SOS2: variants seen among roughly 807,000 people sequenced by gnomAD.
The protein encoded by SOS2 is SOS Ras/Rho guanine nucleotide exchange factor 2.
Under a neutral mutation model 148.2 loss-of-function variants are expected in SOS2, and 65 were observed. The observed-to-expected ratio is 0.44, with a 90% confidence interval of 0.36 to 0.54. The LOEUF is 0.54. SOS2 is among the 20% of genes least tolerant of loss of function. The pLI is 0.00. For missense variants in SOS2, 1,341 were observed against 1,590.2 expected (o/e 0.84, Z 2.67); for synonymous variants, 539 against 537.1 (o/e 1.00, Z -0.05).
intron 14 of SOS2, among the ~76,000 whole-genome samples, chr14:50,147,327 G>A (rs1884518718): frequency 6.6e-6 from 1 of 151,898 alleles, no homozygotes; most frequent in South Asian, 2.1e-4. Context: ...GGGCAACATA[G>A]CAAGACCTCA....
At chr14:50,191,581 A>G (rs2139747501) in intron 4 of SOS2, among the ~76,000 whole-genome samples, 1 of 152,070 alleles carries the variant, frequency 6.6e-6, no homozygotes, top group East Asian at 1.9e-4. Context: ...CTTCTCTACC[A>G]CCCACTCCAG....
chr14:50,138,359 C>T (rs1884154840), intron 18 of SOS2, among the ~76,000 whole-genome samples: 1 of 151,942 alleles, frequency 6.6e-6, no homozygotes. Flanking sequence ...CGGGGTTTCG[C>T]CATGCTGCCC....
At chr14:50,177,262 A>G (rs1885554551) in intron 7 of SOS2, among the ~76,000 whole-genome samples, 1 of 151,934 alleles carries the variant, frequency 6.6e-6, no homozygotes, top group Non-Finnish European at 1.5e-5. Flanking sequence ...GGAGGTTGCA[A>G]TGAACTGAGA....
chr14:50,224,246 G>A (rs189486064), intron 1 of SOS2, among the ~76,000 whole-genome samples: 1,651 of 145,760 alleles, frequency 0.011, 14 homozygotes, highest in Non-Finnish European at 0.018. Flanking sequence ...AGCCAAGATC[G>A]CACCACTGCA....
rs569419230 is a variant in SOS2 at position 50,160,018 on chromosome 14, T to C, written c.1265A>G (p.Glu422Gly). 12 of 1,614,122 alleles carry C rather than the reference T, an allele frequency of 7.4e-6. No individual in the cohort carries two copies. In the South Asian group the frequency reaches 1.3e-4, roughly 18 times the overall value. ...CCATCCATCGATATTTTTCTGAATT[T>C]CATTCATTTTTTTGATAGCCAGGTG... ...SKHLAIKKMN[E>G]IQKNIDGWEG... Residue 422 changes from glutamate to glycine, a missense_variant, in exon 10 of 23, where the codon GAA becomes GGA. Glu to Gly is a moderately conservative substitution (Grantham distance 98, BLOSUM62 -2). This residue lies in a region of SOS2 where 574 missense variants were observed against 711.1 expected (regional missense o/e 0.81). Coordinates refer to ENST00000216373, the MANE Select transcript of SOS2 (RefSeq NM_006939.4).
At chr14:50,129,020 T>C (rs1594957764) in intron 21 of SOS2, among the ~76,000 whole-genome samples, 1 of 152,322 alleles carries the variant, frequency 6.6e-6, no homozygotes, top group African/African-American at 2.4e-5. Flanking sequence ...TATTTTACTA[T>C]GCTCGAAGCA....
chr14:50,214,031 T>C (rs1886968424), intron 1 of SOS2, among the ~76,000 whole-genome samples: 1 of 151,950 alleles, frequency 6.6e-6, no homozygotes, highest in South Asian at 2.1e-4. Context: ...TAGAAGTAAA[T>C]AAATCACTTT....
Position 50,159,637 on chromosome 14 carries a change from T to C in SOS2, c.1646A>G (p.Asp549Gly). Reference sequence around the variant, plus strand: ...CAATAATACTGAATCTAACATTCGATCTAGAGTACTACGATAATGAAGAGA... The same window carrying C: ...CAATAATACTGAATCTAACATTCGACCTAGAGTACTACGATAATGAAGAGA... ...LISLHYRSTL[D>G]RMLDSVLLKE... Residue 549 changes from aspartate to glycine, a missense_variant, in exon 10 of 23, where the codon GAT becomes GGT. Around this residue, in one of 4 missense-constraint regions of SOS2, gnomAD observed 574 missense variants for 711.1 expected, o/e 0.81. Coordinates refer to ENST00000216373, the MANE Select transcript of SOS2 (RefSeq NM_006939.4). 1 of 1,613,826 alleles carries C rather than the reference T, an allele frequency of 6.2e-7. No homozygotes were observed. Among genetic ancestry groups the C allele is most frequent in the South Asian group, 1.1e-5 (1 of 91,082 alleles).
intron 1 of SOS2, among the ~76,000 whole-genome samples, chr14:50,219,420 AAAG>A (rs1328110517): frequency 6.6e-6 from 1 of 152,234 alleles, no homozygotes; most frequent in African/African-American, 2.4e-5. Context: ...GATTGAAAAA[AAAG>A]AGTATGTACT....
intron 1 of SOS2, among the ~76,000 whole-genome samples, chr14:50,226,346 A>T (rs1279015826): frequency 6.6e-6 from 1 of 152,206 alleles, no homozygotes; most frequent in Non-Finnish European, 1.5e-5. Context: ...TATATCAATG[A>T]CACCAGTTAT....
intron 8 of SOS2, among the ~76,000 whole-genome samples, chr14:50,163,071 T>C (rs1182328058): frequency 6.6e-6 from 1 of 151,420 alleles, no homozygotes; most frequent in Non-Finnish European, 1.5e-5. Flanking sequence ...TTGGCTAATT[T>C]TTTTTTTTAA....
At chr14:50,194,176 G>A (rs1373492716) in intron 4 of SOS2, among the ~76,000 whole-genome samples, 1 of 152,164 alleles carries the variant, frequency 6.6e-6, no homozygotes, top group Admixed American at 6.6e-5. Flanking sequence ...TGTAAATAAA[G>A]TTTTGCTGGA....
Position 50,162,896 on chromosome 14 carries a change from G to GT in SOS2, c.1069-1288_1069-1287insA, listed in dbSNP as rs1566832748. ...GTATTGTATTGTGCTCCAATGTTTT[G>GT]ATTTTTTTTTTTTTTTTTGAGACAG... On this transcript the variant is annotated intron_variant, in intron 8 of 22. Coordinates refer to ENST00000216373, the MANE Select transcript of SOS2 (RefSeq NM_006939.4). Among the ~76,000 whole-genome samples, 12 of 139,850 alleles carry GT rather than the reference G, an allele frequency of 8.6e-5. 1 individual carries two copies. The highest frequency in any genetic ancestry group is 4.4e-4 in the East Asian group (2 of 4,512). The allele number at this position is 139,850 out of a possible 152,430, so 91.7% of individuals were successfully genotyped here.
rs73283422 is a variant in SOS2, at chr14:50,157,152, G to A, written c.1935-31C>T. 1,512 of 1,595,324 alleles carry A rather than the reference G, an allele frequency of 9.5e-4. 17 individuals are homozygous for A. The African/African-American group carries it at 0.017, about 18-fold the overall frequency. ...AAGAAAAGCAAAAGGAGAAAAATCC[G>A]TTCATACATAATGAAAATACAAGGA... On this transcript the variant is annotated intron_variant, in intron 11 of 22. Transcript: ENST00000216373.
At chr14:50,157,858 C>T (rs1300357356) in intron 11 of SOS2, among the ~76,000 whole-genome samples, 1 of 152,004 alleles carries the variant, frequency 6.6e-6, no homozygotes, top group Non-Finnish European at 1.5e-5. Context: ...ATTTAAAATG[C>T]CACTATAATA....
At chr14:50,227,005 T>C (rs1354553435) in intron 1 of SOS2, among the ~76,000 whole-genome samples, 1 of 152,244 alleles carries the variant, frequency 6.6e-6, no homozygotes, top group Non-Finnish European at 1.5e-5. Context: ...GGCAATTATG[T>C]TCTAGGCTCT....
chr14:50,174,413 C>CA, intron 8 of SOS2, 41 bp downstream of exon 8: 2 of 1,077,190 alleles, frequency 1.9e-6, no homozygotes, highest in Non-Finnish European at 2.7e-6. Context: ...GTAAACTCTT[C>CA]TATTAGATAA....
intron 5 of SOS2, 50 bp downstream of exon 5, chr14:50,188,447 G>T: frequency 8.5e-7 from 1 of 1,182,366 alleles, no homozygotes; most frequent in South Asian, 1.3e-5. Context: ...ATTTTAAGCT[G>T]GTCTGGTTTT....
At chr14:50,225,255 C>G (rs1387136625) in intron 1 of SOS2, among the ~76,000 whole-genome samples, 1 of 152,052 alleles carries the variant, frequency 6.6e-6, no homozygotes, top group East Asian at 1.9e-4. Flanking sequence ...GCACCTGGCC[C>G]ATGGAAGAAA....
Sources: allele counts gnomAD v4.1 joint callset (sites outside exome capture counted in the v4.1 genomes callset), GRCh38; gene constraint gnomAD v4.1.1; regional missense constraint gnomAD v4.1.1; transcripts MANE v1.5; gene names NCBI Gene and HGNC (gene_info 2026-07-23, HGNC 2026-07-21).